CIMIP6: variants seen among roughly 807,000 people sequenced by gnomAD.
CIMIP6 encodes uncharacterized protein C2orf73.
chr2:54,334,650 T>C, the CIMIP6 span, among the ~76,000 whole-genome samples: 1 of 152,212 alleles, frequency 6.6e-6, no homozygotes, highest in South Asian at 2.1e-4. Context: ...GATTTAGAAT[T>C]AGAAAATGGC....
chr2:54,368,005 A>G, the CIMIP6 span, among the ~76,000 whole-genome samples: 1 of 152,166 alleles, frequency 6.6e-6, no homozygotes, highest in Non-Finnish European at 1.5e-5. Flanking sequence ...GACATCCCCC[A>G]AAAAATGGTC....
chr2:54,356,007 A>C, the CIMIP6 span, among the ~76,000 whole-genome samples: 7 of 152,202 alleles, frequency 4.6e-5, no homozygotes, highest in African/African-American at 1.7e-4. Flanking sequence ...GTCTCCCACT[A>C]AATTTGAGGA....
At chr2:54,356,035 G>C in the CIMIP6 span, among the ~76,000 whole-genome samples, 1 of 151,996 alleles carries the variant, frequency 6.6e-6, no homozygotes, top group Non-Finnish European at 1.5e-5. Context: ...TGAGGCTCAG[G>C]CCAGAGAGCT....
At chr2:54,379,925 C>T in the CIMIP6 span, among the ~76,000 whole-genome samples, 10 of 151,110 alleles carry the variant, frequency 6.6e-5, no homozygotes, top group Admixed American at 2.0e-4. Context: ...TACAGTGAGC[C>T]GAGATAGCAC....
the CIMIP6 span, among the ~76,000 whole-genome samples, chr2:54,350,519 C>G: frequency 6.6e-6 from 1 of 152,204 alleles, no homozygotes; most frequent in East Asian, 1.9e-4. Context: ...GGACTTCTTA[C>G]TCCCAAGAAT....
the CIMIP6 span, among the ~76,000 whole-genome samples, chr2:54,342,449 A>AT: frequency 6.6e-6 from 1 of 152,146 alleles, no homozygotes; most frequent in Non-Finnish European, 1.5e-5. Flanking sequence ...AATTTGTAAA[A>AT]TTTTATAAAT....
chr2:54,354,632 A>T, the CIMIP6 span, among the ~76,000 whole-genome samples: 1 of 152,102 alleles, frequency 6.6e-6, no homozygotes, highest in Non-Finnish European at 1.5e-5. Context: ...CTAGTAGGTT[A>T]TCACTATTGT....
the CIMIP6 span, among the ~76,000 whole-genome samples, chr2:54,338,155 TG>T: frequency 1.3e-5 from 2 of 151,910 alleles, no homozygotes; most frequent in Non-Finnish European, 1.5e-5. Context: ...TAAAATTGGC[TG>T]GGCACAGTGG....
At chr2:54,376,256 C>A in the CIMIP6 span, among the ~76,000 whole-genome samples, 1 of 151,868 alleles carries the variant, frequency 6.6e-6, no homozygotes. Flanking sequence ...GTTGCCCGAG[C>A]TGGTCTGCAA....
the CIMIP6 span, among the ~76,000 whole-genome samples, chr2:54,367,417 A>G: frequency 6.6e-6 from 1 of 152,096 alleles, no homozygotes; most frequent in Non-Finnish European, 1.5e-5. Context: ...GGTCTGTGAA[A>G]TTCCAAAATC....
the CIMIP6 span, among the ~76,000 whole-genome samples, chr2:54,367,054 A>T: frequency 6.6e-6 from 1 of 152,088 alleles, no homozygotes; most frequent in African/African-American, 2.4e-5. Flanking sequence ...AAGCCCAGGC[A>T]TTCTAAACTA....
At chr2:54,336,092 G>A in the CIMIP6 span, among the ~76,000 whole-genome samples, 1 of 151,910 alleles carries the variant, frequency 6.6e-6, no homozygotes, top group South Asian at 2.1e-4. Context: ...ACATCTTTAG[G>A]GACAGAGAGA....
chr2:54,358,217 G>C, the CIMIP6 span, among the ~76,000 whole-genome samples: 4,315 of 152,300 alleles, frequency 0.028, 167 homozygotes, highest in Admixed American at 0.11. Context: ...AGCAGCCCTA[G>C]AGTCTTCCAA....
chr2:54,355,047 G>A, the CIMIP6 span, among the ~76,000 whole-genome samples: 1 of 151,968 alleles, frequency 6.6e-6, no homozygotes, highest in Non-Finnish European at 1.5e-5. Flanking sequence ...GAAATCATCT[G>A]AGGCCTTCCT....
chr2:54,332,724 TC>T, the CIMIP6 span, among the ~76,000 whole-genome samples: 2 of 152,252 alleles, frequency 1.3e-5, no homozygotes, highest in South Asian at 2.1e-4. Context: ...CCAGTCCTTT[TC>T]TTCAAGGACT....
At chr2:54,365,927 A>T in the CIMIP6 span, among the ~76,000 whole-genome samples, 1 of 152,234 alleles carries the variant, frequency 6.6e-6, no homozygotes, top group African/African-American at 2.4e-5. Context: ...AAAGATTTTT[A>T]AAATATTAAT....
the CIMIP6 span, among the ~76,000 whole-genome samples, chr2:54,346,072 A>C: frequency 2.6e-5 from 4 of 152,086 alleles, no homozygotes; most frequent in East Asian, 7.7e-4. Flanking sequence ...ACCCACTGAG[A>C]AGGAAATGAA....
chr2:54,346,721 T>C, the CIMIP6 span, among the ~76,000 whole-genome samples: 4 of 152,350 alleles, frequency 2.6e-5, no homozygotes, highest in African/African-American at 9.6e-5. Context: ...TCTATTCCTT[T>C]CCATCTTCAC....
At chr2:54,358,818 A>C in the CIMIP6 span, 1 of 487,066 alleles carries the variant, frequency 2.1e-6, no homozygotes, top group East Asian at 3.5e-5. Flanking sequence ...AATCCATTCT[A>C]TTTATTATTT....
Sources: gnomAD v4.1 joint callset for allele counts (sites outside exome capture counted in the v4.1 genomes callset) on GRCh38, gnomAD v4.1.1 for gene constraint, MANE v1.5 for transcripts, NCBI Gene and HGNC (gene_info 2026-07-23, HGNC 2026-07-21) for gene names.